RBFOX1: variants seen among roughly 807,000 people sequenced by gnomAD.
RBFOX1 encodes the protein RNA binding protein fox-1 homolog 1.
Under a neutral mutation model 57.7 loss-of-function variants are expected in RBFOX1, and 8 were observed. The ratio of observed to expected loss-of-function variants is 0.14; its 90% CI spans 0.08 to 0.25. RBFOX1 has a LOEUF of 0.25. Among genes scored for constraint, RBFOX1 ranks in the 10% least tolerant of loss-of-function variants. RBFOX1 has a pLI of 1.00. For missense variants in RBFOX1, 611 were observed against 548.5 expected (o/e 1.11, Z -1.14); for synonymous variants, 326 against 222.4 (o/e 1.47, Z -4.15).
At chr16:6,896,921 G>C (rs542503835) in intron 3 of RBFOX1, among the ~76,000 whole-genome samples, 22 of 152,242 alleles carry the variant, frequency 1.4e-4, no homozygotes, top group Middle Eastern at 3.4e-3. Flanking sequence ...TGCATTTGGT[G>C]AAAGAAAGCA....
chr16:7,253,393 G>A (rs2094561313), intron 4 of RBFOX1, among the ~76,000 whole-genome samples: 1 of 152,124 alleles, frequency 6.6e-6, no homozygotes, highest in Non-Finnish European at 1.5e-5. Flanking sequence ...TTTGCATGGT[G>A]TTCTCCGGCT....
intron 11 of RBFOX1, among the ~76,000 whole-genome samples, chr16:7,647,046 G>A (rs992001160): frequency 2.0e-5 from 3 of 152,182 alleles, no homozygotes; most frequent in African/African-American, 7.2e-5. Flanking sequence ...GTTCTAAAAT[G>A]TTGATTTGCC....
At chr16:5,844,861 T>C (rs963250412) in intron 3 of RBFOX1, among the ~76,000 whole-genome samples, 1 of 152,134 alleles carries the variant, frequency 6.6e-6, no homozygotes, top group Non-Finnish European at 1.5e-5. Context: ...TAGGGCCTTG[T>C]AATGACCCAT....
At chr16:6,846,229 G>A (rs748689124) in intron 3 of RBFOX1, among the ~76,000 whole-genome samples, 8 of 152,180 alleles carry the variant, frequency 5.3e-5, no homozygotes, top group Non-Finnish European at 8.8e-5. Flanking sequence ...CATGTTTTCA[G>A]TCTGTGTGAT....
intron 3 of RBFOX1, among the ~76,000 whole-genome samples, chr16:5,742,651 C>T (rs1320818757): frequency 2.0e-5 from 3 of 152,204 alleles, no homozygotes; most frequent in African/African-American, 7.2e-5. Context: ...TAATGCTCAA[C>T]TAGGCATAAC....
intron 10 of RBFOX1, among the ~76,000 whole-genome samples, chr16:7,612,188 G>A (rs1487861948): frequency 6.6e-6 from 1 of 151,882 alleles, no homozygotes; most frequent in African/African-American, 2.4e-5. Context: ...GGGCGTGGTG[G>A]TGGGCGCCTG....
At position 7,447,058 on chromosome 16, in the gene RBFOX1, C is replaced by T. The variant is rs879748872; in HGVS notation, c.28-71089C>T. The stretch of plus-strand genomic sequence containing the variant: ...TGATCTCATGACCTTGTGATCTACC[C>T]GCCTTAGCCTCCCAAAGTGCTGGGA... On this transcript the variant is annotated intron_variant, in intron 4 of 15. Coordinates refer to ENST00000550418, the MANE Select transcript of RBFOX1 (RefSeq NM_018723.4). 2.2e-4 allele frequency among the ~76,000 whole-genome samples: 34 copies of T among 151,852 alleles called. No individual in the cohort carries two copies. The Middle Eastern group carries it at 0.01, about 46-fold the overall frequency.
intron 1 of RBFOX1, among the ~76,000 whole-genome samples, chr16:6,133,910 C>T (rs919672963): frequency 6.6e-6 from 1 of 151,908 alleles, no homozygotes; most frequent in African/African-American, 2.4e-5. Context: ...GGGGACATTC[C>T]TCTTTTATAT....
chr16:7,049,656 G>A (rs1457843485), intron 3 of RBFOX1, among the ~76,000 whole-genome samples: 1 of 152,042 alleles, frequency 6.6e-6, no homozygotes, highest in Non-Finnish European at 1.5e-5. Context: ...CACCACTTAT[G>A]TGGCGGTACT....
intron 2 of RBFOX1, among the ~76,000 whole-genome samples, chr16:6,348,890 C>CA (rs1444545508): frequency 2.0e-5 from 3 of 152,106 alleles, no homozygotes; most frequent in Non-Finnish European, 4.4e-5. Flanking sequence ...GATGGCAACC[C>CA]AGGAAAAGCA....
intron 2 of RBFOX1, among the ~76,000 whole-genome samples, chr16:5,537,029 C>T (rs527292028): frequency 1.3e-5 from 2 of 152,200 alleles, no homozygotes; most frequent in African/African-American, 2.4e-5. Flanking sequence ...TTTTAAGTAA[C>T]AGGTTTCCCA....
intron 4 of RBFOX1, among the ~76,000 whole-genome samples, chr16:7,080,543 T>C (rs111784354): frequency 5.3e-5 from 8 of 152,278 alleles, no homozygotes; most frequent in African/African-American, 1.9e-4. Flanking sequence ...ATCCCTGTAG[T>C]CACTTAAGCT....
intron 2 of RBFOX1, among the ~76,000 whole-genome samples, chr16:5,468,387 G>T (rs775099561): frequency 3.3e-5 from 5 of 152,074 alleles, no homozygotes; most frequent in African/African-American, 7.2e-5. Flanking sequence ...ACACCAGTCT[G>T]CATTCTGTCT....
intron 3 of RBFOX1, among the ~76,000 whole-genome samples, chr16:5,616,993 C>T (rs1380759896): frequency 1.3e-5 from 2 of 151,730 alleles, no homozygotes; most frequent in Non-Finnish European, 2.9e-5. Flanking sequence ...GTGAAACTGG[C>T]CGGAGGGCAG....
At chr16:5,954,684 T>G (rs1222016277) in intron 4 of RBFOX1, among the ~76,000 whole-genome samples, 1 of 151,986 alleles carries the variant, frequency 6.6e-6, no homozygotes, top group Non-Finnish European at 1.5e-5. Flanking sequence ...CCCTTAACTC[T>G]CGGCAAGCAT....
intron 4 of RBFOX1, among the ~76,000 whole-genome samples, chr16:5,979,330 G>A (rs999966305): frequency 6.6e-6 from 1 of 152,132 alleles, no homozygotes; most frequent in Non-Finnish European, 1.5e-5. Context: ...TGGGAGACTC[G>A]GATTGTAATG....
chr16:6,074,094 G>T (rs1869005), intron 1 of RBFOX1, among the ~76,000 whole-genome samples: 65,723 of 151,646 alleles, frequency 0.43, 14,454 homozygotes, highest in East Asian at 0.49. Context: ...GACTATAGGC[G>T]CCCGCCACCA....
At chr16:5,596,681 C>A (rs915058835) in intron 2 of RBFOX1, among the ~76,000 whole-genome samples, 1 of 152,194 alleles carries the variant, frequency 6.6e-6, no homozygotes, top group African/African-American at 2.4e-5. Flanking sequence ...TGATCAAGTG[C>A]AGTTTTTTCT....
chr16:6,773,983 C>G (rs970177351), intron 3 of RBFOX1: 1 of 985,320 alleles, frequency 1.0e-6, no homozygotes, highest in Non-Finnish European at 1.2e-6. Context: ...CCGTTTTCAA[C>G]TGAACCTGTA....
Sources: allele counts gnomAD v4.1 joint callset (sites outside exome capture counted in the v4.1 genomes callset), GRCh38; gene constraint gnomAD v4.1.1; transcripts MANE v1.5; gene names NCBI Gene and HGNC (gene_info 2026-07-23, HGNC 2026-07-21).